The following EHD4 variants were observed in gnomAD, a reference collection of about 807,000 sequenced individuals.
EHD4 encodes the protein EH domain-containing protein 4.
Under a neutral mutation model 51.0 loss-of-function variants are expected in EHD4, and 37 were observed. The ratio of observed to expected loss-of-function variants is 0.73; its 90% CI spans 0.56 to 0.95. The LOEUF is 0.95. EHD4 is among the 40% of genes least tolerant of loss of function. The probability of loss-of-function intolerance (pLI) is 0.00; values close to 1 mark genes in which losing one functional copy is unlikely to be tolerated. For synonymous variants in EHD4, 297 were observed against 317.3 expected (o/e 0.94, Z 0.68); for missense variants, 632 against 733.1 (o/e 0.86, Z 1.59).
At chr15:41,938,463 C>G (rs1595539425) in intron 3 of EHD4, among the ~76,000 whole-genome samples, 1 of 152,210 alleles carries the variant, frequency 6.6e-6, no homozygotes, top group Non-Finnish European at 1.5e-5. Context: ...CTGTCCACTG[C>G]TTTTACCAGC....
chr15:41,970,871 G>A (rs1309900693), intron 1 of EHD4, among the ~76,000 whole-genome samples: 1 of 152,224 alleles, frequency 6.6e-6, no homozygotes, highest in African/African-American at 2.4e-5. Context: ...AAACTAGACA[G>A]TATTACTGAG....
intron 3 of EHD4, among the ~76,000 whole-genome samples, chr15:41,939,915 T>C (rs890813681): frequency 6.6e-6 from 1 of 151,788 alleles, no homozygotes; most frequent in African/African-American, 2.4e-5. Flanking sequence ...ATTGCCCTCA[T>C]GGGTTTCATT....
chr15:41,898,738 G>A lies in EHD4; in HGVS notation c.*1907C>T, dbSNP rs1469316651. ...TGTAGTCCCAGCTACTTGGGAGGCT[G>A]AGGCAGGGGAATCACTTGAACCTGG... is the stretch of plus-strand genomic sequence containing the variant. On this transcript the variant is annotated 3_prime_UTR_variant, in exon 6 of 6. Coordinates refer to ENST00000220325, the MANE Select transcript of EHD4 (RefSeq NM_139265.4). 6.6e-6 allele frequency: 1 copy of A among 152,216 alleles called. No individual in the cohort carries two copies. Among genetic ancestry groups the A allele is most frequent in the Non-Finnish European group, 1.5e-5 (1 of 68,034 alleles). The allele number at this position is 152,216 out of a possible 1,614,324, so 9.4% of individuals were successfully genotyped here.
chr15:41,957,089 G>A (rs1433812632), intron 1 of EHD4, among the ~76,000 whole-genome samples: 1 of 152,170 alleles, frequency 6.6e-6, no homozygotes, highest in Non-Finnish European at 1.5e-5. Flanking sequence ...CCAGCATTTT[G>A]GGAGGCCGCA....
chr15:41,933,418 C>A (rs181562369), intron 3 of EHD4, among the ~76,000 whole-genome samples: 2 of 152,170 alleles, frequency 1.3e-5, no homozygotes, highest in African/African-American at 4.8e-5. Flanking sequence ...CTCGTAAGAT[C>A]CCACTGTACG....
At chr15:41,918,217 T>TACACACACAC (rs10682608) in intron 4 of EHD4, among the ~76,000 whole-genome samples, 1,889 of 147,342 alleles carry the variant, frequency 0.013, 29 homozygotes, top group African/African-American at 0.029. Flanking sequence ...CAGGGAGCTT[T>TACACACACAC]ACACACACAC....
At chr15:41,904,034 G>C (rs1037649519) in intron 5 of EHD4, among the ~76,000 whole-genome samples, 2 of 152,164 alleles carry the variant, frequency 1.3e-5, no homozygotes, top group African/African-American at 4.8e-5. Context: ...AGCAGGTGGA[G>C]GAGCAGGCGT....
chr15:41,929,441 G>A (rs931322524), intron 3 of EHD4, among the ~76,000 whole-genome samples: 1 of 152,244 alleles, frequency 6.6e-6, no homozygotes, highest in South Asian at 2.1e-4. Context: ...TTCCACGCCA[G>A]TACTCGGCCC....
chr15:41,972,556 C>CT lies in EHD4; in HGVS notation c.-63dup. The CT allele has an allele frequency of 7.2e-7, 1 of 1,384,994 alleles. No homozygotes were observed. The highest frequency in any genetic ancestry group is 9.3e-7 in the Non-Finnish European group (1 of 1,077,504). 85.8% of individuals were successfully genotyped at this position (1,384,994 alleles called of 1,614,324 possible). A position where few individuals can be genotyped will look rare whatever the true frequency, so the allele number is the denominator to read the frequency against. ...CGGGTTCGACTCTCCCCGGCTCGCACTGAGCCGCCCCGGCCGCGCTGGCCG... is the reference window on the plus strand; with the variant it reads ...CGGGTTCGACTCTCCCCGGCTCGCACTTGAGCCGCCCCGGCCGCGCTGGCCG... On this transcript the variant is annotated 5_prime_UTR_variant, in exon 1 of 6. Transcript: ENST00000220325.
intron 1 of EHD4, among the ~76,000 whole-genome samples, chr15:41,968,448 T>C (rs1027197754): frequency 2.1e-5 from 3 of 144,058 alleles, no homozygotes; most frequent in Non-Finnish European, 3.0e-5. Flanking sequence ...CCCTCATCTT[T>C]ACTCCTTTTT....
At chr15:41,908,214 T>C (rs896523833) in intron 5 of EHD4, 2 of 152,108 alleles carry the variant, frequency 1.3e-5, no homozygotes, top group Non-Finnish European at 2.9e-5. Flanking sequence ...TTGGGTCAGA[T>C]CAAATATATT....
chr15:41,960,578 C>G (rs915617897), intron 1 of EHD4, among the ~76,000 whole-genome samples: 2 of 151,780 alleles, frequency 1.3e-5, no homozygotes, highest in African/African-American at 2.4e-5. Flanking sequence ...ATAAATAATG[C>G]TGAGATAAAC....
At chr15:41,966,205 C>T (rs372875383) in intron 1 of EHD4, among the ~76,000 whole-genome samples, 14 of 152,184 alleles carry the variant, frequency 9.2e-5, no homozygotes, top group Middle Eastern at 3.4e-3. Context: ...TCACATCCCA[C>T]TCATTCCTCA....
At chr15:41,951,642 G>A (rs1369060571) in intron 2 of EHD4, among the ~76,000 whole-genome samples, 1 of 152,144 alleles carries the variant, frequency 6.6e-6, no homozygotes, top group African/African-American at 2.4e-5. Flanking sequence ...CAGACAAAGG[G>A]CAGTGGCAAT....
chr15:41,918,613 C>T (rs546075922), intron 4 of EHD4, among the ~76,000 whole-genome samples: 3 of 152,164 alleles, frequency 2.0e-5, no homozygotes, highest in East Asian at 1.9e-4. Flanking sequence ...ATGAGGCAGG[C>T]GAGCCAGGAG....
intron 3 of EHD4, among the ~76,000 whole-genome samples, chr15:41,938,262 T>C (rs2140997008): frequency 6.6e-6 from 1 of 152,328 alleles, no homozygotes; most frequent in East Asian, 1.9e-4. Flanking sequence ...CCTGTTCCTG[T>C]TTATATCACT....
intron 4 of EHD4, among the ~76,000 whole-genome samples, chr15:41,918,117 C>A (rs1031831851): frequency 5.9e-5 from 9 of 152,110 alleles, no homozygotes; most frequent in Non-Finnish European, 1.2e-4. Flanking sequence ...ATCAGGGAAG[C>A]CCTCCCTGCC....
intron 2 of EHD4, among the ~76,000 whole-genome samples, chr15:41,944,608 TCACA>T (rs1164134840): frequency 6.6e-6 from 1 of 152,198 alleles, no homozygotes; most frequent in East Asian, 1.9e-4. Flanking sequence ...ATACGATTTT[TCACA>T]CAGTCTTTCC....
chr15:41,972,382 G>C lies in EHD4; in HGVS notation c.113C>G (p.Pro38Arg), dbSNP rs1321742943. The C allele has an allele frequency of 1.2e-6, 2 of 1,611,012 alleles. No homozygotes were observed. Among genetic ancestry groups the C allele is most frequent in the African/African-American group, 1.3e-5 (1 of 74,546 alleles). Residue 38 changes from proline (P) to arginine (R), a missense_variant, in exon 1 of 6, where the codon CCG (proline) becomes CGG (arginine). Pro to Arg is a moderately radical substitution (Grantham distance 103, BLOSUM62 -2). Transcript: ENST00000220325. ...GTGGAAGCGGTACGCCTCCTCCAGC[G>C]GCAGCACCTTGCGCAGGTAGAGCGA... ...LRSLYLRKVL[P>R]LEEAYRFHEF... is the part of the protein sequence containing the mutation.
Sources: gnomAD v4.1 joint callset for allele counts (sites outside exome capture counted in the v4.1 genomes callset) on GRCh38, gnomAD v4.1.1 for gene constraint, MANE v1.5 for transcripts, NCBI Gene and HGNC (gene_info 2026-07-23, HGNC 2026-07-21) for gene names.